Variants in XXYLT1 observed in about 807,000 individuals in gnomAD.
XXYLT1 encodes the protein xyloside xylosyltransferase 1, also known as UDP-xylose:alpha-xyloside alpha-1,3-xylosyltransferase.
A neutral mutation model predicts 28.9 loss-of-function variants in XXYLT1; 20 were observed. The ratio of observed to expected loss-of-function variants is 0.69; its 90% CI spans 0.49 to 1.00. XXYLT1 has a LOEUF of 1.00. XXYLT1 is among the 50% of genes least tolerant of loss of function. The probability of loss-of-function intolerance (pLI) is 0.00; values close to 1 mark genes in which losing one functional copy is unlikely to be tolerated. For synonymous variants in XXYLT1, 257 were observed against 253.8 expected (o/e 1.01, Z -0.12); for missense variants, 542 against 560.1 (o/e 0.97, Z 0.33).
intron 3 of XXYLT1, among the ~76,000 whole-genome samples, chr3:195,089,560 C>T (rs944246800): frequency 0.012 from 1,808 of 152,034 alleles, 33 homozygotes; most frequent in African/African-American, 0.041. Context: ...CGGTACCAGC[C>T]GCTGCAAAAT....
intron 1 of XXYLT1, among the ~76,000 whole-genome samples, chr3:195,235,687 C>T (rs546435643): frequency 6.6e-6 from 1 of 152,042 alleles, no homozygotes; most frequent in Non-Finnish European, 1.5e-5. Flanking sequence ...ATTCAAAGGA[C>T]GTGGGTGTTG....
chr3:195,192,617 A>G (rs1266279857), intron 2 of XXYLT1, among the ~76,000 whole-genome samples: 1 of 152,224 alleles, frequency 6.6e-6, no homozygotes, highest in Non-Finnish European at 1.5e-5. Context: ...CATGGCTGGT[A>G]TAACATCTGA....
At chr3:195,175,942 G>C (rs1328662709) in intron 2 of XXYLT1, 1 of 1,375,254 alleles carries the variant, frequency 7.3e-7, no homozygotes, top group Non-Finnish European at 9.4e-7. Flanking sequence ...AGTCATGTTT[G>C]TTATTACAGC....
chr3:195,177,244 T>C (rs1721712939), intron 2 of XXYLT1, among the ~76,000 whole-genome samples: 1 of 152,178 alleles, frequency 6.6e-6, no homozygotes, highest in Non-Finnish European at 1.5e-5. Context: ...GCATCTGTGA[T>C]GCTTCCTAGA....
intron 1 of XXYLT1, among the ~76,000 whole-genome samples, chr3:195,234,691 C>G (rs946851125): frequency 3.3e-5 from 5 of 152,184 alleles, no homozygotes; most frequent in Non-Finnish European, 7.3e-5. Flanking sequence ...ATGCCACTCT[C>G]TCCTGGCCTG....
chr3:195,161,626 A>G (rs1720875095), intron 2 of XXYLT1, among the ~76,000 whole-genome samples: 1 of 147,724 alleles, frequency 6.8e-6, no homozygotes, highest in African/African-American at 2.5e-5. Context: ...AGATATATAG[A>G]TATATAGATT....
At chr3:195,247,081 T>G (rs983475363) in intron 1 of XXYLT1, among the ~76,000 whole-genome samples, 7 of 152,240 alleles carry the variant, frequency 4.6e-5, no homozygotes, top group Non-Finnish European at 7.3e-5. Context: ...AATCATGTTT[T>G]GCTTTTTGAC....
rs556991746 is a variant in XXYLT1 at position 195,244,090 on chromosome 3, T to C, written c.505-17234A>G. Reference sequence around the variant, plus strand: ...CTCGTGCTTACTGAACCATCACTAGTTTCTAGGTAACCAGACCTGCAATGA... The same window carrying C: ...CTCGTGCTTACTGAACCATCACTAGCTTCTAGGTAACCAGACCTGCAATGA... On this transcript the variant is annotated intron_variant, in intron 1 of 3. Coordinates refer to ENST00000310380, the MANE Select transcript of XXYLT1 (RefSeq NM_152531.5). Among the ~76,000 whole-genome samples, 11 of 152,310 alleles carry C rather than the reference T, an allele frequency of 7.2e-5. 1 individual carries two copies. In the South Asian group the frequency reaches 2.1e-3, roughly 29 times the overall value.
chr3:195,128,331 C>T (rs138416390), intron 3 of XXYLT1, among the ~76,000 whole-genome samples: 6 of 152,264 alleles, frequency 3.9e-5, no homozygotes, highest in African/African-American at 1.4e-4. Context: ...TAACCCATAG[C>T]GCATTCATCC....
intron 1 of XXYLT1, among the ~76,000 whole-genome samples, chr3:195,252,707 CACACACACACACACACACACAG>C (rs1725305547): frequency 7.1e-6 from 1 of 141,534 alleles, no homozygotes; most frequent in South Asian, 2.2e-4. Flanking sequence ...CACACACACA[CACACACACACACACACACACAG>C]AGAGAGAGAG....
chr3:195,266,591 G>A (rs1161600385), intron 1 of XXYLT1, among the ~76,000 whole-genome samples: 1 of 152,202 alleles, frequency 6.6e-6, no homozygotes, highest in African/African-American at 2.4e-5. Flanking sequence ...TAGCCTGGAT[G>A]GAAGAGTCAC....
chr3:195,206,673 G>T (rs1723085198), intron 2 of XXYLT1, among the ~76,000 whole-genome samples: 1 of 151,896 alleles, frequency 6.6e-6, no homozygotes, highest in African/African-American at 2.4e-5. Flanking sequence ...GGAGGCTGAG[G>T]CAGGAGAGTC....
intron 2 of XXYLT1, among the ~76,000 whole-genome samples, chr3:195,177,108 T>C (rs1721705805): frequency 6.6e-6 from 1 of 152,228 alleles, no homozygotes; most frequent in African/African-American, 2.4e-5. Flanking sequence ...ACAGGAGCCC[T>C]TCTGCCGAAC....
At chr3:195,073,097 G>T (rs925901485) in intron 3 of XXYLT1, among the ~76,000 whole-genome samples, 1 of 152,198 alleles carries the variant, frequency 6.6e-6, no homozygotes. Flanking sequence ...GGGAACAGAG[G>T]TCCTCAGTTT....
At chr3:195,247,962 C>T (rs1384631420) in intron 1 of XXYLT1, 1 of 554,144 alleles carries the variant, frequency 1.8e-6, no homozygotes, top group Admixed American at 2.8e-5. Context: ...GGTCCAATCA[C>T]CTCCCACCAG....
rs1418603943 is a variant in XXYLT1 at position 195,133,524 on chromosome 3, T to C, written c.785+22925A>G. Among the ~76,000 whole-genome samples the C allele has an allele frequency of 1.3e-5, 2 of 152,212 alleles. No homozygotes were observed. The highest frequency in any genetic ancestry group is 2.9e-5 in the Non-Finnish European group (2 of 68,036). ...ATTGAACTCTAAAAATGAATGTGTC[T>C]GCACCAAGAAAACTAGATGTTCAGC... On this transcript the variant is annotated intron_variant, in intron 3 of 3. Coordinates refer to ENST00000310380, the MANE Select transcript of XXYLT1 (RefSeq NM_152531.5). This position sits in a 1 kb window ranked among gnomAD's most constrained non-coding sequence, Gnocchi z 4.4.
At chr3:195,259,602 A>G in intron 1 of XXYLT1, 1 of 985,372 alleles carries the variant, frequency 1.0e-6, no homozygotes, top group Non-Finnish European at 1.2e-6. Context: ...CCCTCATCTC[A>G]CCGCGAGGAC....
intron 2 of XXYLT1, among the ~76,000 whole-genome samples, chr3:195,213,392 G>A (rs1025527337): frequency 6.6e-6 from 1 of 151,750 alleles, no homozygotes; most frequent in Non-Finnish European, 1.5e-5. Context: ...AGCCTCCCGA[G>A]TAGCTGGGAT....
chr3:195,243,433 T>C (rs1457186988), intron 1 of XXYLT1, among the ~76,000 whole-genome samples: 3 of 151,966 alleles, frequency 2.0e-5, no homozygotes, highest in Non-Finnish European at 4.4e-5. Context: ...TTACCTTAAC[T>C]GTCTGCCTAA....
Sources: allele counts gnomAD v4.1 joint callset (sites outside exome capture counted in the v4.1 genomes callset), GRCh38; gene constraint gnomAD v4.1.1; non-coding constraint Gnocchi (gnomAD v3.1); transcripts MANE v1.5; gene names NCBI Gene and HGNC (gene_info 2026-07-23, HGNC 2026-07-21).